PKD1L1: variants seen among roughly 807,000 people sequenced by gnomAD.
PKD1L1 encodes polycystin-1-like protein 1.
A neutral mutation model predicts 323.4 loss-of-function variants in PKD1L1; 236 were observed. The observed-to-expected ratio is 0.73, with a 90% CI of 0.66 to 0.81. The LOEUF (loss-of-function observed/expected upper bound fraction) is 0.81, where lower values mean the gene tolerates loss of function less well. PKD1L1 is among the 40% of genes least tolerant of loss of function. PKD1L1 has a pLI of 0.00. For synonymous variants in PKD1L1, 1,344 were observed against 1,335.0 expected (o/e 1.01, Z -0.15); for missense variants, 3,320 against 3,508.0 (o/e 0.95, Z 1.35).
chr7:47,954,465 T>A, the PKD1L1 span, among the ~76,000 whole-genome samples: 1 of 152,164 alleles, frequency 6.6e-6, no homozygotes. Context: ...TCAAAGATGG[T>A]CTGCCCCTCT....
In PKD1L1 at chr7:47,884,627, T is replaced by G; in HGVS notation, c.3236A>C (p.Glu1079Ala). 6.2e-7 allele frequency: 1 copy of G among 1,613,974 alleles called. No individual in the cohort carries two copies. The highest frequency in any genetic ancestry group is 8.5e-7 in the Non-Finnish European group (1 of 1,179,866). Residue 1079 changes from glutamate (E) to alanine (A), a missense_variant, in exon 19 of 57, where the codon GAA (glutamate) becomes GCA (alanine). Transcript: ENST00000289672. ...DFEAYYSDIQ[E>A]AIPSGGRQPA... ...CTGTCTTCCTCCCGATGGTATTGCT[T>G]CTTGAATGTCACTGTAATAGGCTTC...
intron 8 of PKD1L1, among the ~76,000 whole-genome samples, chr7:47,913,521 C>T (rs1787366428): frequency 1.3e-5 from 2 of 152,218 alleles, no homozygotes; most frequent in South Asian, 4.2e-4. Context: ...AGTGTCACCC[C>T]CAATCCCTGC....
intron 40 of PKD1L1, among the ~76,000 whole-genome samples, chr7:47,833,893 G>A (rs1390530488): frequency 1.3e-5 from 2 of 152,188 alleles, no homozygotes; most frequent in Non-Finnish European, 2.9e-5. Flanking sequence ...GACCTGGAAC[G>A]GAGCTCCCAG....
Position 47,882,007 on chromosome 7 carries a change from T to TC in PKD1L1, c.3343dup (p.Asp1115GlyfsTer16). On this transcript the variant is annotated frameshift_variant, in exon 20 of 57. Transcript: ENST00000289672. LOFTEE classifies it high-confidence loss of function. The stretch of plus-strand genomic sequence containing the variant: ...GGCTCTGCCTGCAGACAGGGAGGGG[T>TC]CCACCAGGTTATCCCCATCTCCAGG... The TC allele has an allele frequency of 1.9e-6, 3 of 1,613,190 alleles. No homozygotes were observed. The highest frequency in any genetic ancestry group is 2.5e-6 in the Non-Finnish European group (3 of 1,179,784).
chr7:47,819,568 G>A, intron 46 of PKD1L1: 1 of 1,364,484 alleles, frequency 7.3e-7, no homozygotes, highest in Non-Finnish European at 9.8e-7. Flanking sequence ...GTTGGTCATG[G>A]ATGGAAATAA....
At chr7:47,940,919 G>A (rs1425829293) in intron 2 of PKD1L1, among the ~76,000 whole-genome samples, 1 of 152,234 alleles carries the variant, frequency 6.6e-6, no homozygotes, top group South Asian at 2.1e-4. Context: ...TCTGGAATAG[G>A]ATCTGCGCAC....
rs747276285 is a variant in PKD1L1 at position 47,858,856 on chromosome 7, G to A, written c.4179C>T (p.Leu1393=). 5 of 1,613,780 alleles carry A rather than the reference G, an allele frequency of 3.1e-6. No homozygotes were observed. The highest frequency in any genetic ancestry group is 3.3e-5 in the Admixed American group (2 of 59,992). ...GAGCAAGGAGTGCCCGGGTGTACTT[G>A]AGGATGAGAACCGCACTCATAAAGC... ...KLGFMSAVLI[L]KYTRALLAQG... is the part of the protein sequence containing the mutation. The change falls in exon 27 of 57, where the codon CTC becomes CTT. Residue 1393 remains leucine, a synonymous_variant. Coordinates refer to ENST00000289672, the MANE Select transcript of PKD1L1 (RefSeq NM_138295.5).
chr7:47,793,712 G>C (rs932492049), intron 55 of PKD1L1, among the ~76,000 whole-genome samples: 1 of 152,194 alleles, frequency 6.6e-6, no homozygotes, highest in Non-Finnish European at 1.5e-5. Flanking sequence ...CTTGATAACA[G>C]GCAGAGGTTG....
intron 19 of PKD1L1, among the ~76,000 whole-genome samples, chr7:47,883,088 G>C (rs1403139525): frequency 2.7e-5 from 4 of 150,740 alleles, no homozygotes; most frequent in Non-Finnish European, 5.9e-5. Context: ...TCTTCATTCA[G>C]TTGTATTGAT....
chr7:47,923,515 G>A (rs942492072), intron 7 of PKD1L1, among the ~76,000 whole-genome samples: 7 of 151,716 alleles, frequency 4.6e-5, no homozygotes, highest in East Asian at 1.9e-4. Context: ...AACACCACCC[G>A]TTCCCCAATA....
At chr7:47,847,193 G>A (rs1785684964) in intron 31 of PKD1L1, 122 bp from the exon 32 acceptor site, 1 of 649,590 alleles carries the variant, frequency 1.5e-6, no homozygotes, top group Non-Finnish European at 2.3e-6. Context: ...AGCAAGAACT[G>A]AAAGACAGCA....
chr7:47,921,782 C>T (rs560860388), intron 7 of PKD1L1, among the ~76,000 whole-genome samples: 109 of 152,238 alleles, frequency 7.2e-4, no homozygotes, highest in African/African-American at 2.4e-3. Context: ...AGTGAAGTAA[C>T]TTAGGAATGG....
At chr7:47,864,395 T>C (rs1786101559) in intron 26 of PKD1L1, among the ~76,000 whole-genome samples, 2 of 151,942 alleles carry the variant, frequency 1.3e-5, no homozygotes, top group African/African-American at 2.4e-5. Context: ...GGGAGGAAAG[T>C]GTGCCAGAGA....
the PKD1L1 span, among the ~76,000 whole-genome samples, chr7:47,954,620 T>C: frequency 1.3e-5 from 2 of 152,208 alleles, no homozygotes; most frequent in Non-Finnish European, 2.9e-5. Flanking sequence ...CTTTTCTTTA[T>C]AAATGACTCA....
At chr7:47,914,655 CT>C (rs752504333) in intron 8 of PKD1L1, among the ~76,000 whole-genome samples, 8 of 152,194 alleles carry the variant, frequency 5.3e-5, no homozygotes, top group Non-Finnish European at 8.8e-5. Context: ...GATCCTCAAC[CT>C]CATCTTACCC....
chr7:47,943,456 C>T lies in PKD1L1; in HGVS notation c.100G>A (p.Asp34Asn), dbSNP rs965098567. ...CACAGATGAAGACCCCAGCTCTTGT[C>T]AGTGCTCACAGACAGCTCACCACCA... ...SFGGELSVST[D>N]KSWGLHLCSC... The change falls in exon 2 of 57, where the codon GAC becomes AAC. Residue 34 changes from aspartate to asparagine, a missense_variant. Coordinates refer to ENST00000289672, the MANE Select transcript of PKD1L1 (RefSeq NM_138295.5). 6 of 1,613,402 alleles carry T rather than the reference C, an allele frequency of 3.7e-6. No individual in the cohort carries two copies. In the African/African-American group the frequency reaches 6.7e-5, roughly 18 times the overall value.
intron 5 of PKD1L1, 52 bp downstream of exon 5, chr7:47,931,884 T>C: frequency 6.3e-7 from 1 of 1,578,192 alleles, no homozygotes; most frequent in Non-Finnish European, 8.6e-7. Context: ...ATGCATCAGA[T>C]GCTCACCAGC....
At chr7:47,950,637 G>A (rs973136358), upstream of PKD1L1, among the ~76,000 whole-genome samples, 3 of 152,064 alleles carry the variant, frequency 2.0e-5, no homozygotes, top group South Asian at 2.1e-4. Context: ...TTGAACCGGG[G>A]AGGCAGAGGT....
chr7:47,857,850 G>A lies in PKD1L1; in HGVS notation c.4363-18C>T. On this transcript the variant is annotated intron_variant, in intron 27 of 56. Coordinates refer to ENST00000289672, the MANE Select transcript of PKD1L1 (RefSeq NM_138295.5). ...AGACAACCCTGAAACATAGAGCATA[G>A]GGAGTGGGATGTTTATAACACAAAT... The A allele has an allele frequency of 1.2e-6, 2 of 1,607,618 alleles. No individual in the cohort carries two copies. Among genetic ancestry groups the A allele is most frequent in the Non-Finnish European group, 1.7e-6 (2 of 1,174,560 alleles).
Sources: gnomAD v4.1 joint callset for allele counts (sites outside exome capture counted in the v4.1 genomes callset) on GRCh38, gnomAD v4.1.1 for gene constraint, MANE v1.5 for transcripts, NCBI Gene and HGNC (gene_info 2026-07-23, HGNC 2026-07-21) for gene names.